Variants in UTRN observed in about 807,000 individuals in gnomAD.
UTRN encodes the protein dystrophin-related protein 1.
UTRN carries 283 observed loss-of-function variants against 463.9 expected under a neutral mutation model. The observed-to-expected ratio is 0.61, with a 90% CI of 0.55 to 0.67. The LOEUF (loss-of-function observed/expected upper bound fraction) is 0.67. Among genes scored for constraint, UTRN ranks in the 30% least tolerant of loss-of-function variants. The pLI is 0.00. For missense variants in UTRN, 3,922 were observed against 4,084.3 expected (o/e 0.96, Z 1.08); for synonymous variants, 1,442 against 1,431.5 (o/e 1.01, Z -0.17).
At chr6:144,496,217 G>A (rs1312365174) in intron 33 of UTRN, among the ~76,000 whole-genome samples, 1 of 152,170 alleles carries the variant, frequency 6.6e-6, no homozygotes, top group East Asian at 1.9e-4. Flanking sequence ...TCCTCCTTCA[G>A]TTAGGAAATA....
At position 144,351,926 on chromosome 6, in the gene UTRN, C is replaced by G. The variant is rs1186225271; in HGVS notation, c.80-51197C>G. 5.1e-4 allele frequency among the ~76,000 whole-genome samples: 78 copies of G among 152,202 alleles called. 3 individuals are homozygous for G. Among genetic ancestry groups the G allele is most frequent in the Admixed American group, 5.1e-3 (78 of 15,286 alleles). ...GCACTCTGAGAAGCAACTCCTATCA[C>G]ACCGACACTGCTACTTTTCTCCTGG... On this transcript the variant is annotated intron_variant, in intron 2 of 74. Coordinates refer to ENST00000367545, the MANE Select transcript of UTRN (RefSeq NM_007124.3).
At chr6:144,470,811 G>C (rs1185911737) in intron 23 of UTRN, among the ~76,000 whole-genome samples, 1 of 151,914 alleles carries the variant, frequency 6.6e-6, no homozygotes, top group African/African-American at 2.4e-5. Context: ...GATCACTCTC[G>C]GTCAGGAACT....
In UTRN at chr6:144,451,131, C is replaced by A. The variant is rs1202647187; in HGVS notation, c.2073-239C>A. 4.6e-5 allele frequency among the ~76,000 whole-genome samples: 7 copies of A among 151,970 alleles called. No homozygotes were observed. The South Asian group carries it at 8.3e-4, about 18-fold the overall frequency. ...CATCTCGAAACAACAACAACAACAA[C>A]AAATTATTTAATTATTTTCTTCAAT... On this transcript the variant is annotated intron_variant, in intron 17 of 74. Coordinates refer to ENST00000367545, the MANE Select transcript of UTRN (RefSeq NM_007124.3).
rs1788272152 is a variant in UTRN, at chr6:144,451,256, TG to T, written c.2073-109del. 20 of 1,260,358 alleles carry T rather than the reference TG, an allele frequency of 1.6e-5. No homozygotes were observed. In the South Asian group the frequency reaches 2.3e-4, roughly 15 times the overall value. 78.1% of individuals were successfully genotyped at this position (1,260,358 alleles called of 1,614,324 possible). ...TACCCTATTTCTGGGTTGCTGTTTT[TG>T]GGGGAGTGATAAAAAGACATATTCC... is the stretch of plus-strand genomic sequence containing the variant. On this transcript the variant is annotated intron_variant, in intron 17 of 74. Coordinates refer to ENST00000367545, the MANE Select transcript of UTRN (RefSeq NM_007124.3).
At chr6:144,551,388 A>C (rs555465129) in intron 48 of UTRN, among the ~76,000 whole-genome samples, 16 of 152,308 alleles carry the variant, frequency 1.1e-4, no homozygotes, top group Non-Finnish European at 2.1e-4. Flanking sequence ...GAGGAATAAA[A>C]AAAGGTTAAA....
intron 41 of UTRN, among the ~76,000 whole-genome samples, chr6:144,528,531 C>G (rs1796760998): frequency 6.6e-6 from 1 of 152,168 alleles, no homozygotes. Context: ...GATGGGGCTT[C>G]CTGAGAGCTG....
chr6:144,842,110 CAAAAA>C (rs35954430), intron 73 of UTRN, among the ~76,000 whole-genome samples: 3 of 62,064 alleles, frequency 4.8e-5, no homozygotes, highest in Non-Finnish European at 6.8e-5. Context: ...ACTTCCTCTC[CAAAAA>C]AAAAAAAAAA....
chr6:144,727,916 A>G (rs192137421), intron 53 of UTRN, among the ~76,000 whole-genome samples: 47 of 152,228 alleles, frequency 3.1e-4, no homozygotes, highest in African/African-American at 1.1e-3. Context: ...CATGGCCAAC[A>G]TGGTAAAATC....
intron 25 of UTRN, among the ~76,000 whole-genome samples, chr6:144,476,731 C>T (rs1483366192): frequency 2.6e-4 from 40 of 152,090 alleles, no homozygotes; most frequent in Non-Finnish European, 1.5e-5. Context: ...GAAAATCGAG[C>T]TTTAAATTTG....
intron 54 of UTRN, among the ~76,000 whole-genome samples, chr6:144,734,100 A>C (rs569801795): frequency 3.3e-5 from 5 of 152,290 alleles, no homozygotes; most frequent in African/African-American, 9.6e-5. Flanking sequence ...CTAGATGCTT[A>C]ACAATGATTC....
At chr6:144,745,409 GT>G (rs1452096274) in intron 54 of UTRN, among the ~76,000 whole-genome samples, 1 of 151,536 alleles carries the variant, frequency 6.6e-6, no homozygotes, top group African/African-American at 2.4e-5. Flanking sequence ...TTTTTGTTTT[GT>G]TTTTTACTTT....
rs1227199570 is a variant in UTRN at position 144,484,252 on chromosome 6, CTT to C, written c.3688-1132_3688-1131del. ...TCCAGTTTTGGTAAAATGTGGCTCT[CTT>C]ATATTGACATGTCCTCATGAATTTA... On this transcript the variant is annotated intron_variant, in intron 27 of 74. Coordinates refer to ENST00000367545, the MANE Select transcript of UTRN (RefSeq NM_007124.3). Among the ~76,000 whole-genome samples the C allele has an allele frequency of 3.3e-5, 5 of 152,162 alleles. No individual in the cohort carries two copies. The East Asian group carries it at 7.7e-4, about 23-fold the overall frequency.
chr6:144,368,812 T>G (rs1779735116), intron 2 of UTRN, among the ~76,000 whole-genome samples: 1 of 152,144 alleles, frequency 6.6e-6, no homozygotes, highest in Non-Finnish European at 1.5e-5. Context: ...TAAGGTTTTT[T>G]AAAGTTAGGG....
chr6:144,669,893 AG>A (rs766846022), intron 51 of UTRN, among the ~76,000 whole-genome samples: 11 of 151,852 alleles, frequency 7.2e-5, no homozygotes, highest in Non-Finnish European at 1.2e-4. Flanking sequence ...AACTCTATCC[AG>A]GTTTCTGTGA....
chr6:144,752,568 G>T (rs1225791646), intron 56 of UTRN, among the ~76,000 whole-genome samples: 1 of 152,156 alleles, frequency 6.6e-6, no homozygotes, highest in Admixed American at 6.5e-5. Context: ...GCACTCAATG[G>T]TTCATATTTT....
Position 144,815,634 on chromosome 6 carries a change from A to G in UTRN, c.9358-5248A>G, listed in dbSNP as rs562691413. Among the ~76,000 whole-genome samples the G allele has an allele frequency of 2.0e-5, 3 of 152,334 alleles. No homozygotes were observed. In the South Asian group the frequency reaches 6.2e-4, roughly 32 times the overall value. ...CAGGAAGCTTCCAGCACGGAAAAAG[A>G]TGAAGGCCAGAAGACTCAGCAAGTC... On this transcript the variant is annotated intron_variant, in intron 65 of 74. Transcript: ENST00000367545.
intron 2 of UTRN, among the ~76,000 whole-genome samples, chr6:144,326,051 A>T (rs1016911452): frequency 7.2e-5 from 11 of 152,216 alleles, no homozygotes; most frequent in African/African-American, 2.4e-4. Flanking sequence ...AGTATTTAGA[A>T]ATGCATAATC....
chr6:144,768,954 TTTTG>T (rs1287291299), intron 58 of UTRN, among the ~76,000 whole-genome samples: 2 of 111,856 alleles, frequency 1.8e-5, no homozygotes, highest in African/African-American at 9.8e-5. Context: ...TTTTGTTTTG[TTTTG>T]TTTTTTTTTT....
chr6:144,370,525 A>G (rs2114710016), intron 2 of UTRN, among the ~76,000 whole-genome samples: 2 of 152,304 alleles, frequency 1.3e-5, no homozygotes, highest in Admixed American at 1.3e-4. Context: ...CAGAGCCCTA[A>G]TGGAGAACCT....
Sources: allele counts gnomAD v4.1 joint callset (sites outside exome capture counted in the v4.1 genomes callset), GRCh38; gene constraint gnomAD v4.1.1; transcripts MANE v1.5; gene names NCBI Gene and HGNC (gene_info 2026-07-23, HGNC 2026-07-21).